Variants in MSH6 observed in about 807,000 individuals in gnomAD.
MSH6 encodes the protein mutS homolog 6.
A neutral mutation model predicts 119.1 loss-of-function variants in MSH6; 85 were observed. The ratio of observed to expected loss-of-function variants is 0.71; its 90% CI spans 0.60 to 0.85. The LOEUF is 0.85. Ranked by LOEUF, MSH6 falls within the 40% of genes least tolerant of loss-of-function variation. MSH6 has a pLI of 0.00. For missense variants in MSH6, 2,163 were observed against 1,655.3 expected (o/e 1.31, Z -5.32); for synonymous variants, 830 against 586.9 (o/e 1.41, Z -5.99).
intron 4 of MSH6, 26 bp from the exon 5 acceptor site, chr2:47,803,394 C>G (rs1432886704): frequency 1.9e-6 from 3 of 1,614,002 alleles, no homozygotes; most frequent in Non-Finnish European, 2.5e-6. Context: ...ACGATGAAGC[C>G]TCACTTTTAC....
Position 47,783,399 on chromosome 2 carries a change from G to T in MSH6, c.166G>T (p.Gly56Trp), listed in dbSNP as rs1254951576. The change falls in exon 1 of 10, where the codon GGG (glycine) becomes TGG (tryptophan). Residue 56 changes from glycine (G) to tryptophan (W), a missense_variant. Gly to Trp is a radical substitution (Grantham distance 184, BLOSUM62 -2). Transcript: ENST00000234420. Reference sequence around the variant, plus strand: ...TGCGGCCTGGAGCGAGGCTGGGCCTGGGCCCAGGCCCTTGGCGCGCTCCGC... The same window carrying T: ...TGCGGCCTGGAGCGAGGCTGGGCCTTGGCCCAGGCCCTTGGCGCGCTCCGC... ...GDAAWSEAGP[G>W]PRPLARSASP... is the part of the protein sequence containing the mutation. 6.4e-7 allele frequency: 1 copy of T among 1,568,192 alleles called. No individual in the cohort carries two copies.
At chr2:47,792,411 G>A (rs1446107482) in intron 2 of MSH6, among the ~76,000 whole-genome samples, 1 of 152,160 alleles carries the variant, frequency 6.6e-6, no homozygotes, top group Non-Finnish European at 1.5e-5. Context: ...AAATGTAAAT[G>A]GTGATCTGAC....
At chr2:47,806,750 A>ACTTACTT in intron 9 of MSH6, 29 bp from the exon 10 acceptor site, 1 of 1,404,378 alleles carries the variant, frequency 7.1e-7, no homozygotes, top group East Asian at 2.4e-5. Context: ...AAACAAAAAA[A>ACTTACTT]CTTTTTTTTT....
Position 47,806,642 on chromosome 2 carries a change from G to GATT in MSH6, c.3996_3998dup (p.Leu1332dup), listed in dbSNP as rs2104567877. On this transcript the variant is annotated inframe_insertion, in exon 9 of 10. Coordinates refer to ENST00000234420, the MANE Select transcript of MSH6 (RefSeq NM_000179.3). ...TTTGAGAAGATGAATCAGTCACTAC[G>GATT]ATTATTTCGGTAACTAACTAACTAT... The GATT allele has an allele frequency of 6.2e-7, 1 of 1,609,250 alleles. No homozygotes were observed. The highest frequency in any genetic ancestry group is 1.1e-5 in the South Asian group (1 of 90,960).
At chr2:47,792,615 AAGT>A in intron 2 of MSH6, among the ~76,000 whole-genome samples, 1 of 152,194 alleles carries the variant, frequency 6.6e-6, no homozygotes, top group South Asian at 2.1e-4. Flanking sequence ...CGGCCTCCCA[AAGT>A]GCTGAGACTA....
rs781676597 is a variant in MSH6 at position 47,803,641 on chromosome 2, G to A, written c.3394G>A (p.Val1132Ile). 1.2e-6 allele frequency: 2 copies of A among 1,614,190 alleles called. No individual in the cohort carries two copies. Among genetic ancestry groups the A allele is most frequent in the Non-Finnish European group, 1.7e-6 (2 of 1,180,028 alleles). The change falls in exon 5 of 10, where the codon GTT becomes ATT. Residue 1132 changes from valine (V) to isoleucine (I), a missense_variant. Physicochemically the swap from Val to Ile is conservative, Grantham distance 29. Coordinates refer to ENST00000234420, the MANE Select transcript of MSH6 (RefSeq NM_000179.3). ...QENGKAYCVL[V>I]TGPNMGGKST... ...AAATGGCAAAGCCTATTGTGTGCTT[G>A]TTACTGGACCAAATATGGGGGGCAA...
intron 3 of MSH6, 131 bp from the exon 4 acceptor site, chr2:47,798,480 C>T: frequency 5.6e-6 from 5 of 889,136 alleles, no homozygotes; most frequent in Admixed American, 4.6e-5. Context: ...TCATCGAATA[C>T]TGTACTAAAA....
chr2:47,801,655 C>A (rs752831539), intron 4 of MSH6, among the ~76,000 whole-genome samples: 6 of 151,920 alleles, frequency 3.9e-5, no homozygotes, highest in Non-Finnish European at 8.8e-5. Context: ...AGGCATGACC[C>A]ATTGCGCCTG....
At position 47,798,909 on chromosome 2, in the gene MSH6, C is replaced by T. The variant is rs544222338; in HGVS notation, c.926C>T (p.Ser309Phe). ...KRKRMVTGNG[S>F]LKRKSSRKET... ...AAGAGAATGGTGACTGGAAATGGCT[C>T]TCTTAAAAGGAAAAGCTCTAGGAAG... Residue 309 changes from serine (S) to phenylalanine (F), a missense_variant, in exon 4 of 10, where the codon TCT becomes TTT. Physicochemically the swap from Ser to Phe is radical, Grantham distance 155 (BLOSUM62 -2). Transcript: ENST00000234420. 1.5e-5 allele frequency: 25 copies of T among 1,614,042 alleles called. No individual in the cohort carries two copies. Among genetic ancestry groups the T allele is most frequent in the Non-Finnish European group, 2.0e-5 (24 of 1,180,036 alleles).
chr2:47,786,595 A>G (rs1668366584), intron 1 of MSH6, among the ~76,000 whole-genome samples: 1 of 152,080 alleles, frequency 6.6e-6, no homozygotes, highest in Non-Finnish European at 1.5e-5. Context: ...CAGCCTCCCA[A>G]AGTGTTGGGA....
chr2:47,804,547 A>G (rs1249697421), intron 5 of MSH6, among the ~76,000 whole-genome samples: 1 of 91,788 alleles, frequency 1.1e-5, no homozygotes, highest in Admixed American at 9.8e-5. Flanking sequence ...AAAAAAAAAA[A>G]AAAGGTGCAG....
intron 1 of MSH6, among the ~76,000 whole-genome samples, chr2:47,788,464 A>G (rs1315417358): frequency 6.7e-6 from 1 of 149,346 alleles, no homozygotes; most frequent in African/African-American, 2.5e-5. Flanking sequence ...CATGTTGGCC[A>G]GGCCAGTCTC....
At chr2:47,809,757 T>A, downstream of MSH6, 1 of 1,237,204 alleles carries the variant, frequency 8.1e-7, no homozygotes, top group Non-Finnish European at 1.2e-6. Context: ...TACTGCTTCT[T>A]AAAAACCTGA....
At chr2:47,795,422 A>ATGTGTGTGTGTGTG (rs10699372) in intron 2 of MSH6, among the ~76,000 whole-genome samples, 7,567 of 141,626 alleles carry the variant, frequency 0.053, 276 homozygotes, top group Non-Finnish European at 0.085. Flanking sequence ...AAGTTATTTT[A>ATGTGTGTGTGTGTG]TGTGTGTGTG....
intron 2 of MSH6, among the ~76,000 whole-genome samples, chr2:47,791,714 TGTTGCCTAGGCTGGAGTGCAGTGGC>T (rs1668740581): frequency 1.3e-5 from 2 of 149,762 alleles, no homozygotes; most frequent in Admixed American, 6.7e-5. Flanking sequence ...AGTCTCACTC[TGTTGCCTAGGCTGGAGTGCAGTGGC>T]GCAATCTCGG....
In MSH6 at chr2:47,788,922, G is replaced by GTTTTTTTTTTTTTTTTTTT. The variant is rs1558650240; in HGVS notation, c.261-1998_261-1980dup. On this transcript the variant is annotated intron_variant, in intron 1 of 9. Transcript: ENST00000234420. ...TTTCTTCTTCCTTTTTTTTTTTTTT[G>GTTTTTTTTTTTTTTTTTTT]TTTTTTTTTTTTTTTTTTTTTTTTT... Among the ~76,000 whole-genome samples the GTTTTTTTTTTTTTTTTTTT allele has an allele frequency of 7.3e-4, 30 of 40,948 alleles. 2 individuals carry two copies. Among genetic ancestry groups the GTTTTTTTTTTTTTTTTTTT allele is most frequent in the East Asian group, 1.8e-3 (2 of 1,112 alleles). The allele number at this position is 40,948 out of a possible 152,430, so 26.9% of individuals were successfully genotyped here. A position where few individuals can be genotyped will look rare whatever the true frequency, so the allele number is the denominator to read the frequency against.
chr2:47,788,439 G>C (rs150489381), intron 1 of MSH6, among the ~76,000 whole-genome samples: 1 of 149,056 alleles, frequency 6.7e-6, no homozygotes, highest in African/African-American at 2.5e-5. Context: ...TTTTTTAGTA[G>C]AGATGGGGTT....
At position 47,801,275 on chromosome 2, in the gene MSH6, A is replaced by G. The variant is rs1310406735; in HGVS notation, c.3172+120A>G. On this transcript the variant is annotated intron_variant, in intron 4 of 9. Coordinates refer to ENST00000234420, the MANE Select transcript of MSH6 (RefSeq NM_000179.3). The stretch of plus-strand genomic sequence containing the variant: ...GGTACATATTTTGACATGCATATAC[A>G]TATTTGCATCCTGACTAGGCTGCCC... 2.7e-5 allele frequency: 28 copies of G among 1,048,658 alleles called. No homozygotes were observed. The East Asian group carries it at 5.8e-4, about 22-fold the overall frequency. 65.0% of individuals were successfully genotyped at this position (1,048,658 alleles called of 1,614,324 possible). A position where few individuals can be genotyped will look rare whatever the true frequency, so the allele number is the denominator to read the frequency against.
intron 1 of MSH6, 59 bp downstream of exon 1, chr2:47,783,552 G>C (rs1340433430): frequency 1.4e-6 from 2 of 1,389,588 alleles, no homozygotes; most frequent in East Asian, 5.7e-5. Flanking sequence ...CTTGGAACCC[G>C]GCGAGGGGAG....
Sources: gnomAD v4.1 joint callset for allele counts (sites outside exome capture counted in the v4.1 genomes callset) on GRCh38, gnomAD v4.1.1 for gene constraint, MANE v1.5 for transcripts, NCBI Gene and HGNC (gene_info 2026-07-23, HGNC 2026-07-21) for gene names.